FGFR1: variants seen among roughly 807,000 people sequenced by gnomAD.
FGFR1 encodes the protein fibroblast growth factor receptor 1, also known as FGFR1/PLAG1 fusion.
Under a neutral mutation model 93.7 loss-of-function variants are expected in FGFR1, and 18 were observed. The ratio of observed to expected loss-of-function variants is 0.19; its 90% confidence interval spans 0.13 to 0.28. The LOEUF (loss-of-function observed/expected upper bound fraction) is 0.28. Among genes scored for constraint, FGFR1 ranks in the 10% least tolerant of loss-of-function variants. The pLI is 1.00. For missense variants in FGFR1, 731 were observed against 1,080.4 expected (o/e 0.68, Z 4.53); for synonymous variants, 448 against 429.3 (o/e 1.04, Z -0.54).
chr8:38,450,182 G>T (rs554452799), intron 2 of FGFR1, among the ~76,000 whole-genome samples: 12 of 152,318 alleles, frequency 7.9e-5, no homozygotes, highest in African/African-American at 2.2e-4. Context: ...TGGGGCTGGG[G>T]AGTATGGTGG....
At chr8:38,418,065 CCT>C (rs1292840806) in intron 10 of FGFR1, 74 bp from the exon 11 acceptor site, 19 of 1,611,516 alleles carry the variant, frequency 1.2e-5, no homozygotes, top group Non-Finnish European at 3.4e-6. Flanking sequence ...CCCATCTCCA[CCT>C]CTCTGTATTT....
Position 38,413,668 on chromosome 8 carries a change from T to C in FGFR1, c.2429A>G (p.His810Arg). ...PLPEEPCLPR[H>R]PAQLANGGLK... ...TCCGCCATTGGCAAGCTGGGCTGGG[T>C]GTCGGGGCAGGCAGGGCTCCTCGGG... The change falls in exon 18 of 18, where the codon CAC becomes CGC. Residue 810 changes from histidine (H) to arginine (R), a missense_variant. His to Arg is a conservative substitution (Grantham distance 29, BLOSUM62 0). Coordinates refer to ENST00000447712, the MANE Select transcript of FGFR1 (RefSeq NM_023110.3). This position sits in a 1 kb window ranked among gnomAD's most constrained non-coding sequence, Gnocchi z 4.2. 6.2e-7 allele frequency: 1 copy of C among 1,613,186 alleles called. No homozygotes were observed. Among genetic ancestry groups the C allele is most frequent in the Non-Finnish European group, 8.5e-7 (1 of 1,179,732 alleles).
At chr8:38,454,973 C>CT (rs11434747) in intron 2 of FGFR1, among the ~76,000 whole-genome samples, 27,817 of 111,158 alleles carry the variant, frequency 0.25, 4,486 homozygotes, top group African/African-American at 0.29. Context: ...TCTTTTCTTG[C>CT]TTTTTTTTTT....
At chr8:38,431,795 A>C (rs920259528) in intron 2 of FGFR1, among the ~76,000 whole-genome samples, 3 of 152,224 alleles carry the variant, frequency 2.0e-5, no homozygotes, top group African/African-American at 7.2e-5. Flanking sequence ...AGTCCGGTCA[A>C]GGGGAACACC....
chr8:38,419,865 C>T, intron 8 of FGFR1, 130 bp from the exon 9 acceptor site: 1 of 720,396 alleles, frequency 1.4e-6, no homozygotes. Flanking sequence ...ATGGCAAGTT[C>T]TAGCTAGGAC....
chr8:38,460,973 C>T (rs1834264147), intron 1 of FGFR1: 7 of 1,281,476 alleles, frequency 5.5e-6, no homozygotes, highest in African/African-American at 1.5e-5. Context: ...GTTCCCCCCG[C>T]CCCGTCTCTC....
At chr8:38,432,505 C>T (rs1326542372) in intron 2 of FGFR1, among the ~76,000 whole-genome samples, 2 of 151,678 alleles carry the variant, frequency 1.3e-5, no homozygotes, top group Admixed American at 6.6e-5. Context: ...CTCTGCCTCC[C>T]GGGTTCAAGT....
chr8:38,456,767 C>G (rs994716338), intron 2 of FGFR1, among the ~76,000 whole-genome samples: 1 of 152,086 alleles, frequency 6.6e-6, no homozygotes, highest in Non-Finnish European at 1.5e-5. Flanking sequence ...GATGGGGTCT[C>G]GCTATATTGC....
intron 2 of FGFR1, among the ~76,000 whole-genome samples, chr8:38,448,010 GA>G (rs1195465576): frequency 6.6e-6 from 1 of 152,140 alleles, no homozygotes; most frequent in Non-Finnish European, 1.5e-5. Context: ...CCACACAATG[GA>G]ACATTATGTA....
In FGFR1 at chr8:38,447,001, T is replaced by TCTAGG. The variant is rs200427264; in HGVS notation, c.91+10350_91+10354dup. On this transcript the variant is annotated intron_variant, in intron 2 of 17. Coordinates refer to ENST00000447712, the MANE Select transcript of FGFR1 (RefSeq NM_023110.3). Reference sequence around the variant, plus strand: ...ATGGGGATTTTGTTCCATTGATTATTCTAGGCTAGGGAACCTTGTTCATTA... The same window carrying TCTAGG: ...ATGGGGATTTTGTTCCATTGATTATTCTAGGCTAGGCTAGGGAACCTTGTTCATTA... 5.4e-3 allele frequency among the ~76,000 whole-genome samples: 815 copies of TCTAGG among 152,118 alleles called. 7 individuals are homozygous for TCTAGG. Among genetic ancestry groups the TCTAGG allele is most frequent in the African/African-American group, 0.018 (753 of 41,476 alleles).
chr8:38,450,474 C>T (rs1011265705), intron 2 of FGFR1, among the ~76,000 whole-genome samples: 7 of 152,140 alleles, frequency 4.6e-5, no homozygotes, highest in African/African-American at 7.2e-5. Context: ...CTCGCCCTCC[C>T]GGATAATGAC....
intron 3 of FGFR1, chr8:38,428,641 A>G: frequency 1.7e-6 from 1 of 592,916 alleles, no homozygotes; most frequent in East Asian, 2.9e-5. Flanking sequence ...CACTGCCCCC[A>G]CTGCCTGGAA....
Position 38,422,154 on chromosome 8 carries a change from G to A in FGFR1, c.937-213C>T, listed in dbSNP as rs939443890. ...CTGAGGGAAGAACTCCGGCAGACCT[G>A]AGAAGACGATGGCTGGTTACGACCC... On this transcript the variant is annotated intron_variant, in intron 7 of 17. Coordinates refer to ENST00000447712, the MANE Select transcript of FGFR1 (RefSeq NM_023110.3). 4.4e-5 allele frequency: 26 copies of A among 592,270 alleles called. No homozygotes were observed. In the African/African-American group the frequency reaches 4.6e-4, roughly 11 times the overall value. 36.7% of individuals were successfully genotyped at this position (592,270 alleles called of 1,614,324 possible). A position where few individuals can be genotyped will look rare whatever the true frequency, so the allele number is the denominator to read the frequency against.
intron 8 of FGFR1, among the ~76,000 whole-genome samples, chr8:38,420,931 G>A (rs766029078): frequency 4.6e-5 from 7 of 152,178 alleles, no homozygotes; most frequent in Non-Finnish European, 7.3e-5. Flanking sequence ...CACATGGGGA[G>A]CACGGACAGG....
intron 2 of FGFR1, among the ~76,000 whole-genome samples, chr8:38,437,708 G>A (rs1017088313): frequency 1.2e-4 from 19 of 152,176 alleles, no homozygotes; most frequent in Non-Finnish European, 4.4e-5. Context: ...GGAGAAAACA[G>A]TAACAAATAA....
At chr8:38,440,726 C>T (rs1321527522) in intron 2 of FGFR1, among the ~76,000 whole-genome samples, 1 of 152,102 alleles carries the variant, frequency 6.6e-6, no homozygotes, top group Admixed American at 6.5e-5. Flanking sequence ...TGCCAGAGGG[C>T]CGGCAATAAA....
chr8:38,449,303 G>A (rs1830347079), intron 2 of FGFR1, among the ~76,000 whole-genome samples: 1 of 152,006 alleles, frequency 6.6e-6, no homozygotes, highest in African/African-American at 2.4e-5. Context: ...TCCAGCTAAG[G>A]GACTAGGATA....
intron 2 of FGFR1, among the ~76,000 whole-genome samples, chr8:38,431,916 A>G (rs2150993165): frequency 6.6e-6 from 1 of 152,340 alleles, no homozygotes; most frequent in South Asian, 2.1e-4. Context: ...GAAGGTAAGG[A>G]GAAAAGCAGT....
chr8:38,446,410 C>T (rs915780539), intron 2 of FGFR1, among the ~76,000 whole-genome samples: 12 of 150,772 alleles, frequency 8.0e-5, no homozygotes, highest in African/African-American at 2.7e-4. Context: ...AGGGTTTCAC[C>T]GTGTTGCCCA....
Sources: gnomAD v4.1 joint callset for allele counts (sites outside exome capture counted in the v4.1 genomes callset) on GRCh38, gnomAD v4.1.1 for gene constraint, Gnocchi (gnomAD v3.1) non-coding constraint, MANE v1.5 for transcripts, NCBI Gene and HGNC (gene_info 2026-07-23, HGNC 2026-07-21) for gene names.